Variants in ADAMTS17 observed in about 807,000 individuals in gnomAD.
ADAMTS17 encodes the protein A disintegrin and metalloproteinase with thrombospondin motifs 17.
In ADAMTS17, 113 loss-of-function variants were observed where a neutral mutation model predicts 141.5. The observed-to-expected ratio is 0.80, with a 90% CI of 0.69 to 0.93. The LOEUF (loss-of-function observed/expected upper bound fraction) is 0.93. ADAMTS17 is among the 40% of genes least tolerant of loss of function. The probability of loss-of-function intolerance (pLI) is 0.00; values close to 1 mark genes in which losing one functional copy is unlikely to be tolerated. For missense variants in ADAMTS17, 1,659 were observed against 1,517.9 expected (o/e 1.09, Z -1.54); for synonymous variants, 768 against 630.6 (o/e 1.22, Z -3.27).
intron 18 of ADAMTS17, among the ~76,000 whole-genome samples, chr15:100,013,986 A>G (rs1002577463): frequency 1.3e-5 from 2 of 152,192 alleles, no homozygotes; most frequent in African/African-American, 2.4e-5. Context: ...AATGTCTGGT[A>G]GAATTCTGCT....
intron 3 of ADAMTS17, among the ~76,000 whole-genome samples, chr15:100,309,502 G>C (rs1363832544): frequency 6.6e-6 from 1 of 152,208 alleles, no homozygotes; most frequent in African/African-American, 2.4e-5. Flanking sequence ...TCAAGCTCTG[G>C]CCTGCCTCAG....
In ADAMTS17 at chr15:99,997,682, G is replaced by A; in HGVS notation, c.2592-93C>T. ...GGCCGGATCCTGGAATTGCTGCCCT[G>A]TGGTGGGAGAGAGGGAGGCAGACTC... On this transcript the variant is annotated intron_variant, in intron 18 of 21. Coordinates refer to ENST00000268070, the MANE Select transcript of ADAMTS17 (RefSeq NM_139057.4). This position sits in a 1 kb window ranked among gnomAD's most constrained non-coding sequence, Gnocchi z 4.7. 1 of 1,514,384 alleles carries A rather than the reference G, an allele frequency of 6.6e-7. No individual in the cohort carries two copies. Among genetic ancestry groups the A allele is most frequent in the South Asian group, 1.1e-5 (1 of 88,628 alleles). 93.8% of individuals were successfully genotyped at this position (1,514,384 alleles called of 1,614,324 possible). A position where few individuals can be genotyped will look rare whatever the true frequency, so the allele number is the denominator to read the frequency against.
At chr15:100,024,455 G>C (rs1224006123) in intron 18 of ADAMTS17, among the ~76,000 whole-genome samples, 1 of 152,158 alleles carries the variant, frequency 6.6e-6, no homozygotes, top group Non-Finnish European at 1.5e-5. Context: ...ATTTGGGTAG[G>C]TGCCCATTTT....
intron 7 of ADAMTS17, among the ~76,000 whole-genome samples, chr15:100,232,806 G>A (rs1457191094): frequency 6.6e-6 from 1 of 152,136 alleles, no homozygotes; most frequent in African/African-American, 2.4e-5. Context: ...CTGACACCAT[G>A]GAATTTGCGT....
At chr15:100,205,922 C>T (rs997232914) in intron 7 of ADAMTS17, among the ~76,000 whole-genome samples, 14 of 152,292 alleles carry the variant, frequency 9.2e-5, no homozygotes, top group East Asian at 1.9e-4. Context: ...CCAGGTCTGG[C>T]CCCTCCAGAG....
At chr15:100,035,095 G>A (rs2030570884) in intron 18 of ADAMTS17, among the ~76,000 whole-genome samples, 2 of 152,104 alleles carry the variant, frequency 1.3e-5, no homozygotes, top group African/African-American at 4.8e-5. Flanking sequence ...TTTGTAAAAA[G>A]GCAACCCTCA....
At chr15:100,047,055 C>T (rs959603194) in intron 18 of ADAMTS17, among the ~76,000 whole-genome samples, 8 of 152,000 alleles carry the variant, frequency 5.3e-5, no homozygotes, top group African/African-American at 1.7e-4. Flanking sequence ...GAATGAGCCC[C>T]TGAGGGTAGG....
In ADAMTS17 at chr15:99,974,052, C is replaced by G. The variant is rs748348387; in HGVS notation, c.*350G>C. 8 of 377,414 alleles carry G rather than the reference C, an allele frequency of 2.1e-5. No individual in the cohort carries two copies. Among genetic ancestry groups the G allele is most frequent in the Non-Finnish European group, 4.1e-5 (8 of 197,286 alleles). The allele number at this position is 377,414 out of a possible 1,614,324, so 23.4% of individuals were successfully genotyped here. On this transcript the variant is annotated 3_prime_UTR_variant, in exon 22 of 22. Transcript: ENST00000268070. Reference sequence around the variant, plus strand: ...TGTTTCCTCCATGATATACCAAGCACTGGAAATTCAAATGTCAAAAGCGAG... The same window carrying G: ...TGTTTCCTCCATGATATACCAAGCAGTGGAAATTCAAATGTCAAAAGCGAG...
At chr15:100,036,836 T>C (rs940242060) in intron 18 of ADAMTS17, among the ~76,000 whole-genome samples, 1 of 152,220 alleles carries the variant, frequency 6.6e-6, no homozygotes, top group Non-Finnish European at 1.5e-5. Context: ...GAATTTCACA[T>C]GTGACCTTTT....
At chr15:100,114,260 G>A (rs578026870) in intron 13 of ADAMTS17, among the ~76,000 whole-genome samples, 7 of 151,512 alleles carry the variant, frequency 4.6e-5, no homozygotes, top group Non-Finnish European at 5.9e-5. Flanking sequence ...ATTCCGCAGC[G>A]ATAGCACTGC....
In ADAMTS17 at chr15:100,164,509, TGC is replaced by T. The variant is rs1333827847; in HGVS notation, c.1182-9191_1182-9190del. On this transcript the variant is annotated intron_variant, in intron 8 of 21. Coordinates refer to ENST00000268070, the MANE Select transcript of ADAMTS17 (RefSeq NM_139057.4). The stretch of plus-strand genomic sequence containing the variant: ...TAAGGGAATAGGGGTCAGGGTCACA[TGC>T]GAAAACAGCCACCAAAGTGCCTGGC... Among the ~76,000 whole-genome samples the T allele has an allele frequency of 7.2e-5, 11 of 152,258 alleles. 1 individual carries two copies. In the South Asian group the frequency reaches 1.7e-3, roughly 23 times the overall value.
intron 14 of ADAMTS17, among the ~76,000 whole-genome samples, chr15:100,103,939 G>A (rs1161931400): frequency 6.6e-6 from 1 of 152,198 alleles, no homozygotes; most frequent in Non-Finnish European, 1.5e-5. Context: ...ACAGGTTAAT[G>A]AGACGTACTT....
At chr15:100,156,837 G>A (rs984203637) in intron 8 of ADAMTS17, among the ~76,000 whole-genome samples, 3 of 152,118 alleles carry the variant, frequency 2.0e-5, no homozygotes, top group African/African-American at 7.2e-5. Flanking sequence ...ACACACACAT[G>A]CACATATAAA....
At chr15:100,202,674 G>A (rs956277562) in intron 7 of ADAMTS17, among the ~76,000 whole-genome samples, 1 of 152,204 alleles carries the variant, frequency 6.6e-6, no homozygotes, top group African/African-American at 2.4e-5. Context: ...GGAAGACAGA[G>A]CCCTGGAGAC....
chr15:100,161,098 T>C (rs1242866242), intron 8 of ADAMTS17, among the ~76,000 whole-genome samples: 1 of 152,198 alleles, frequency 6.6e-6, no homozygotes, highest in Admixed American at 6.5e-5. Flanking sequence ...TGGCCCAGCT[T>C]TATCAGACAC....
intron 7 of ADAMTS17, among the ~76,000 whole-genome samples, chr15:100,228,586 C>G (rs1265591887): frequency 1.3e-5 from 2 of 152,200 alleles, no homozygotes; most frequent in African/African-American, 4.8e-5. Context: ...GATGAGGACA[C>G]AGACCCAGCC....
At chr15:100,182,745 G>A (rs1351873792) in intron 8 of ADAMTS17, among the ~76,000 whole-genome samples, 1 of 152,138 alleles carries the variant, frequency 6.6e-6, no homozygotes, top group African/African-American at 2.4e-5. Context: ...GGAGGCTTCT[G>A]TTTTATTTGG....
At chr15:99,996,970 G>A (rs1023459360) in intron 19 of ADAMTS17, among the ~76,000 whole-genome samples, 2 of 152,172 alleles carry the variant, frequency 1.3e-5, no homozygotes, top group African/African-American at 4.8e-5. Flanking sequence ...CACACTAAAA[G>A]CTGTCCCTCC....
intron 14 of ADAMTS17, among the ~76,000 whole-genome samples, chr15:100,102,841 GA>G (rs1441941673): frequency 6.6e-6 from 1 of 152,062 alleles, no homozygotes; most frequent in African/African-American, 2.4e-5. Context: ...CTGAGTGTGG[GA>G]TCAGACACCA....
Sources: allele counts gnomAD v4.1 joint callset (sites outside exome capture counted in the v4.1 genomes callset), GRCh38; gene constraint gnomAD v4.1.1; non-coding constraint Gnocchi (gnomAD v3.1); transcripts MANE v1.5; gene names NCBI Gene and HGNC (gene_info 2026-07-23, HGNC 2026-07-21).